Variants in NELL1 observed in about 807,000 individuals in gnomAD.
NELL1 encodes the protein neural EGFL like 1, also known as protein kinase C-binding protein NELL1.
A neutral mutation model predicts 107.4 loss-of-function variants in NELL1; 76 were observed. The observed-to-expected ratio is 0.71, with a 90% CI of 0.59 to 0.86. The LOEUF (loss-of-function observed/expected upper bound fraction) is 0.86, where lower values mean the gene tolerates loss of function less well. Among genes scored for constraint, NELL1 ranks in the 40% least tolerant of loss-of-function variants. The pLI, the probability that NELL1 is intolerant of heterozygous loss-of-function variation, is 0.00. For synonymous variants in NELL1, 353 were observed against 341.2 expected (o/e 1.03, Z -0.38); for missense variants, 1,024 against 1,005.5 (o/e 1.02, Z -0.25).
intron 7 of NELL1, among the ~76,000 whole-genome samples, chr11:20,923,973 G>A (rs958205791): frequency 2.0e-5 from 3 of 152,178 alleles, no homozygotes; most frequent in African/African-American, 7.2e-5. Context: ...AAAGGCCTCT[G>A]CTGTCTATCT....
chr11:20,811,843 G>A (rs1857507861), intron 3 of NELL1, among the ~76,000 whole-genome samples: 1 of 151,924 alleles, frequency 6.6e-6, no homozygotes, highest in Non-Finnish European at 1.5e-5. Context: ...ATGTCTCTGA[G>A]GTTTTATATA....
At chr11:21,185,473 T>G (rs1189110996) in intron 13 of NELL1, among the ~76,000 whole-genome samples, 1 of 151,596 alleles carries the variant, frequency 6.6e-6, no homozygotes, top group African/African-American at 2.4e-5. Flanking sequence ...TTTTGTATAT[T>G]TAGTAGAGAC....
intron 12 of NELL1, among the ~76,000 whole-genome samples, chr11:21,074,098 G>A (rs768940711): frequency 2.6e-5 from 4 of 152,138 alleles, no homozygotes; most frequent in Admixed American, 6.6e-5. Context: ...ATGAGTTCTC[G>A]TGTCAAATTA....
At chr11:20,719,850 CAATT>C (rs1402618285) in intron 2 of NELL1, among the ~76,000 whole-genome samples, 1 of 152,108 alleles carries the variant, frequency 6.6e-6, no homozygotes, top group Non-Finnish European at 1.5e-5. Context: ...ACCATACTCA[CAATT>C]AATTTTGAGT....
chr11:21,545,243 T>C (rs1487528382), intron 16 of NELL1, among the ~76,000 whole-genome samples: 3 of 122,932 alleles, frequency 2.4e-5, no homozygotes, highest in African/African-American at 8.7e-5. Context: ...GTTGCTCTCC[T>C]TTCCACTCTG....
chr11:21,409,121 A>C (rs1432588990), intron 15 of NELL1, among the ~76,000 whole-genome samples: 2 of 152,196 alleles, frequency 1.3e-5, no homozygotes, highest in African/African-American at 2.4e-5. Flanking sequence ...GCTATAAAGA[A>C]ACATGCACAC....
At chr11:21,553,549 A>T (rs934789539) in intron 16 of NELL1, among the ~76,000 whole-genome samples, 2 of 151,990 alleles carry the variant, frequency 1.3e-5, no homozygotes, top group East Asian at 3.9e-4. Context: ...TAATCATATC[A>T]AATTGGAAAT....
intron 4 of NELL1, among the ~76,000 whole-genome samples, chr11:20,867,523 A>C (rs1849118228): frequency 6.6e-6 from 1 of 152,200 alleles, no homozygotes; most frequent in East Asian, 1.9e-4. Context: ...CTTGCTATTC[A>C]ACTCTGTGGT....
chr11:21,229,290 T>C lies in NELL1; in HGVS notation c.1427-42T>C, dbSNP rs1307820113. On this transcript the variant is annotated intron_variant, in intron 13 of 19. Coordinates refer to ENST00000357134, the MANE Select transcript of NELL1 (RefSeq NM_006157.5). ...ATTTCCCAATACCAGTAATTCCAAC[T>C]TAAGAAAAAGTATTTCTCTTTTTCT... 3 of 1,610,282 alleles carry C rather than the reference T, an allele frequency of 1.9e-6. No individual in the cohort carries two copies. In the South Asian group the frequency reaches 3.3e-5, roughly 18 times the overall value.
At chr11:20,672,536 A>G (rs1349742245) in intron 1 of NELL1, among the ~76,000 whole-genome samples, 1 of 152,228 alleles carries the variant, frequency 6.6e-6, no homozygotes, top group Non-Finnish European at 1.5e-5. Flanking sequence ...TTAGAGTGCA[A>G]AGTGGAGTCA....
intron 14 of NELL1, among the ~76,000 whole-genome samples, chr11:21,363,330 A>AT (rs1851129257): frequency 6.6e-6 from 1 of 152,092 alleles, no homozygotes; most frequent in Non-Finnish European, 1.5e-5. Context: ...CCCTAAACCC[A>AT]TTTCATCTCT....
At chr11:21,143,633 T>C (rs1428284669) in intron 13 of NELL1, among the ~76,000 whole-genome samples, 1 of 152,174 alleles carries the variant, frequency 6.6e-6, no homozygotes, top group African/African-American at 2.4e-5. Flanking sequence ...ATTGGCTGAA[T>C]GAATTCATTC....
chr11:21,561,341 A>G (rs886202148), intron 17 of NELL1, among the ~76,000 whole-genome samples: 7 of 152,062 alleles, frequency 4.6e-5, no homozygotes, highest in African/African-American at 1.7e-4. Context: ...GGAGGGCCAC[A>G]TTATCAAGTG....
chr11:20,971,232 AT>A (rs1215041410), intron 12 of NELL1, among the ~76,000 whole-genome samples: 2 of 152,048 alleles, frequency 1.3e-5, no homozygotes, highest in Admixed American at 6.6e-5. Context: ...ATGCTGAGAC[AT>A]TTTTTTGGCT....
chr11:20,901,023 G>A (rs891352), intron 5 of NELL1, among the ~76,000 whole-genome samples: 86,756 of 151,880 alleles, frequency 0.57, 29,599 homozygotes, highest in Non-Finnish European at 0.77. Context: ...TCATACTTAC[G>A]GTTTAAATAT....
chr11:21,117,521 G>A (rs886408514), intron 13 of NELL1, among the ~76,000 whole-genome samples: 5 of 151,872 alleles, frequency 3.3e-5, no homozygotes, highest in South Asian at 2.1e-4. Flanking sequence ...CACATCTGTC[G>A]TACCCACAGG....
chr11:20,849,301 C>T lies in NELL1; in HGVS notation c.506+1548C>T, dbSNP rs114927637. The stretch of plus-strand genomic sequence containing the variant: ...TTGCTATGCAGTTTTTTGTTTCTTC[C>T]TTCTAAGAGTTTTACTCTGTTTCCT... On this transcript the variant is annotated intron_variant, in intron 4 of 19. Coordinates refer to ENST00000357134, the MANE Select transcript of NELL1 (RefSeq NM_006157.5). 4.3e-3 allele frequency among the ~76,000 whole-genome samples: 650 copies of T among 152,254 alleles called. 4 individuals are homozygous for T. The highest frequency in any genetic ancestry group is 0.015 in the African/African-American group (604 of 41,540).
chr11:20,718,832 G>C (rs1272152101), intron 2 of NELL1, among the ~76,000 whole-genome samples: 1 of 152,142 alleles, frequency 6.6e-6, no homozygotes, highest in Non-Finnish European at 1.5e-5. Context: ...CTTTCAAAGA[G>C]GAGGGAATTT....
At chr11:21,362,385 T>C (rs1333544773) in intron 14 of NELL1, among the ~76,000 whole-genome samples, 1 of 152,212 alleles carries the variant, frequency 6.6e-6, no homozygotes, top group Non-Finnish European at 1.5e-5. Flanking sequence ...GCACCTACTC[T>C]GTTAGATGTG....
Sources: gnomAD v4.1 joint callset for allele counts (sites outside exome capture counted in the v4.1 genomes callset) on GRCh38, gnomAD v4.1.1 for gene constraint, MANE v1.5 for transcripts, NCBI Gene and HGNC (gene_info 2026-07-23, HGNC 2026-07-21) for gene names.